The following SORCS3 variants were observed in gnomAD, a reference collection of about 807,000 sequenced individuals.
SORCS3 encodes VPS10 domain-containing receptor SorCS3.
Under a neutral mutation model 146.3 loss-of-function variants are expected in SORCS3, and 57 were observed. That is an observed-to-expected ratio of 0.39 (90% confidence interval 0.31 to 0.49). The LOEUF (loss-of-function observed/expected upper bound fraction) is 0.49. Among genes scored for constraint, SORCS3 ranks in the 20% least tolerant of loss-of-function variants. The pLI is 0.92. For synonymous variants in SORCS3, 653 were observed against 618.5 expected, an observed-to-expected ratio of 1.06 and a Z score of -0.83; for missense variants, 1,341 against 1,575.5, an observed-to-expected ratio of 0.85 and a Z score of 2.52.
chr10:104,918,609 C>T (rs1219785584), intron 3 of SORCS3, among the ~76,000 whole-genome samples: 1 of 152,136 alleles, frequency 6.6e-6, no homozygotes, highest in African/African-American at 2.4e-5. Context: ...AGGACAACTG[C>T]CCCACCCAGC....
rs574524225 is a variant in SORCS3, at chr10:104,780,464, G to T, written c.628-62328G>T. Among the ~76,000 whole-genome samples the T allele has an allele frequency of 7.2e-5, 11 of 152,256 alleles. No individual in the cohort carries two copies. In the South Asian group the frequency reaches 2.3e-3, roughly 32 times the overall value. On this transcript the variant is annotated intron_variant, in intron 1 of 26. Transcript: ENST00000369701. ...TACTCGGCCCCCTGGCCCAGACTTT[G>T]GTGACATATGAGCCCACCTGGTCTG... is the stretch of plus-strand genomic sequence containing the variant.
chr10:105,015,517 T>C (rs1216535577), intron 4 of SORCS3, among the ~76,000 whole-genome samples: 1 of 152,136 alleles, frequency 6.6e-6, no homozygotes, highest in Non-Finnish European at 1.5e-5. Flanking sequence ...CAAAGTAGGC[T>C]TTATACAGGA....
At chr10:105,179,263 T>C (rs2056427841) in intron 14 of SORCS3, among the ~76,000 whole-genome samples, 1 of 152,166 alleles carries the variant, frequency 6.6e-6, no homozygotes, top group Non-Finnish European at 1.5e-5. Context: ...CCCTAGCAAG[T>C]TTAAGGCCAC....
intron 4 of SORCS3, among the ~76,000 whole-genome samples, chr10:104,985,581 A>G (rs1244187668): frequency 1.3e-5 from 2 of 152,158 alleles, no homozygotes; most frequent in Non-Finnish European, 2.9e-5. Context: ...TTTTCAATTT[A>G]CTTTGCCCAG....
At chr10:105,248,606 C>T (rs187948730) in intron 22 of SORCS3, among the ~76,000 whole-genome samples, 49 of 150,074 alleles carry the variant, frequency 3.3e-4, no homozygotes, top group African/African-American at 1.2e-3. Context: ...CCCAGCTACT[C>T]GGGAGGCTGA....
At chr10:104,964,221 C>T (rs971296319) in intron 3 of SORCS3, among the ~76,000 whole-genome samples, 4 of 152,140 alleles carry the variant, frequency 2.6e-5, no homozygotes, top group Admixed American at 6.6e-5. Flanking sequence ...AGCCAGAGTC[C>T]TTATATCAAT....
intron 3 of SORCS3, among the ~76,000 whole-genome samples, chr10:104,919,669 A>T (rs79901132): frequency 1.3e-5 from 2 of 152,162 alleles, no homozygotes; most frequent in Non-Finnish European, 2.9e-5. Context: ...AGCCTGGGCA[A>T]CAAGAGTGAA....
intron 7 of SORCS3, among the ~76,000 whole-genome samples, chr10:105,125,710 A>ACACACACACAC (rs1564761153): frequency 2.5e-4 from 6 of 24,096 alleles, no homozygotes; most frequent in African/African-American, 1.8e-3. Flanking sequence ...CACACACACA[A>ACACACACACAC]AACAGGCAGC....
Position 105,147,718 on chromosome 10 carries a change from G to A in SORCS3, c.1404G>A (p.Gly468=). The A allele has an allele frequency of 6.2e-7, 1 of 1,613,162 alleles. No homozygotes were observed. The highest frequency in any genetic ancestry group is 1.1e-5 in the South Asian group (1 of 91,046). ...ACCTCTACATCTCAGACACGCGTGG[G>A]ATTTACTTCACTCTGGCCATGGAGA... ...TYNLYISDTR[G]IYFTLAMENI... is the part of the protein sequence containing the mutation. Residue 468 remains glycine, a synonymous_variant, in exon 9 of 27, where the codon GGG becomes GGA. Transcript: ENST00000369701.
intron 1 of SORCS3, among the ~76,000 whole-genome samples, chr10:104,764,197 A>G (rs749045700): frequency 1.3e-5 from 2 of 152,212 alleles, no homozygotes; most frequent in Admixed American, 1.3e-4. Flanking sequence ...AAAAAACCTG[A>G]TACCTTTACT....
intron 1 of SORCS3, among the ~76,000 whole-genome samples, chr10:104,744,249 A>G: frequency 6.6e-6 from 1 of 152,212 alleles, no homozygotes; most frequent in Non-Finnish European, 1.5e-5. Flanking sequence ...CAAAGAACTG[A>G]CAATGAATAG....
intron 2 of SORCS3, among the ~76,000 whole-genome samples, chr10:104,862,026 T>C (rs1353993106): frequency 1.3e-5 from 2 of 152,184 alleles, no homozygotes; most frequent in Non-Finnish European, 2.9e-5. Context: ...CCTACTGCAG[T>C]ATGCCCTCAT....
intron 14 of SORCS3, among the ~76,000 whole-genome samples, chr10:105,186,237 T>A (rs1042164146): frequency 5.9e-5 from 9 of 152,156 alleles, no homozygotes; most frequent in African/African-American, 1.2e-4. Context: ...TTGTACTATT[T>A]TCTGATTGTT....
chr10:104,871,936 T>G (rs2018522810), intron 2 of SORCS3, among the ~76,000 whole-genome samples: 1 of 152,112 alleles, frequency 6.6e-6, no homozygotes. Context: ...TAGTCTTAAC[T>G]GATTGGAACA....
At chr10:105,022,354 A>G (rs553377169) in intron 4 of SORCS3, among the ~76,000 whole-genome samples, 2 of 148,846 alleles carry the variant, frequency 1.3e-5, no homozygotes, top group East Asian at 2.0e-4. Context: ...CTGGAGTGCA[A>G]TGGGGCAATC....
chr10:105,034,080 G>T (rs993295790), intron 4 of SORCS3, among the ~76,000 whole-genome samples: 2 of 152,128 alleles, frequency 1.3e-5, no homozygotes, highest in African/African-American at 4.8e-5. Flanking sequence ...GATATACATT[G>T]ATCATGAAAT....
intron 5 of SORCS3, among the ~76,000 whole-genome samples, chr10:105,052,911 T>C (rs1192020592): frequency 6.6e-6 from 1 of 152,124 alleles, no homozygotes; most frequent in Non-Finnish European, 1.5e-5. Context: ...TCTGGGGCTG[T>C]GCATTAGTCA....
chr10:105,199,755 G>A (rs866092284), intron 14 of SORCS3, among the ~76,000 whole-genome samples: 2 of 151,976 alleles, frequency 1.3e-5, no homozygotes, highest in African/African-American at 4.8e-5. Flanking sequence ...CCTGTAATAG[G>A]CATATATTAC....
chr10:105,099,774 A>C (rs2055770419), intron 6 of SORCS3, among the ~76,000 whole-genome samples: 1 of 152,178 alleles, frequency 6.6e-6, no homozygotes, highest in African/African-American at 2.4e-5. Flanking sequence ...GAAGAAAAGA[A>C]GGCTAAGGGC....
Sources: gnomAD v4.1 joint callset for allele counts (sites outside exome capture counted in the v4.1 genomes callset) on GRCh38, gnomAD v4.1.1 for gene constraint, MANE v1.5 for transcripts, NCBI Gene and HGNC (gene_info 2026-07-23, HGNC 2026-07-21) for gene names.